ANTXR2: variants seen among roughly 807,000 people sequenced by gnomAD.
ANTXR2 encodes anthrax toxin receptor 2.
ANTXR2 carries 44 observed loss-of-function variants against 73.7 expected under a neutral mutation model. That is an observed-to-expected ratio of 0.60 (90% CI 0.47 to 0.77). The LOEUF is 0.77. ANTXR2 is among the 30% of genes least tolerant of loss of function. The probability of loss-of-function intolerance (pLI) is 0.00; values close to 1 mark genes in which losing one functional copy is unlikely to be tolerated. For missense variants in ANTXR2, 604 were observed against 592.5 expected, an observed-to-expected ratio of 1.02 and a Z score of -0.20; for synonymous variants, 217 against 205.9, an observed-to-expected ratio of 1.05 and a Z score of -0.46.
intron 16 of ANTXR2, among the ~76,000 whole-genome samples, chr4:79,917,955 C>CA (rs1245231199): frequency 6.7e-6 from 1 of 149,484 alleles, no homozygotes; most frequent in African/African-American, 2.5e-5. Flanking sequence ...AAAGATCTGG[C>CA]AAAAAAGGCA....
intron 1 of ANTXR2, among the ~76,000 whole-genome samples, 196 bp downstream of exon 1, chr4:80,072,213 C>G (rs921587971): frequency 6.6e-6 from 1 of 152,138 alleles, no homozygotes; most frequent in Non-Finnish European, 1.5e-5. Flanking sequence ...GGGCTCCAAT[C>G]ACTACCCCCG....
intron 10 of ANTXR2, among the ~76,000 whole-genome samples, chr4:80,030,068 T>C (rs1732615979): frequency 6.6e-6 from 1 of 151,940 alleles, no homozygotes; most frequent in South Asian, 2.1e-4. Flanking sequence ...AAAGACCAGT[T>C]GAGAGACTAA....
chr4:79,972,777 G>A (rs1729464543), intron 16 of ANTXR2, among the ~76,000 whole-genome samples: 1 of 12,676 alleles, frequency 7.9e-5, no homozygotes, highest in African/African-American at 1.6e-4. Flanking sequence ...TGGTGGGGTC[G>A]GGGGAGGGGG....
intron 7 of ANTXR2, among the ~76,000 whole-genome samples, chr4:80,038,775 C>G (rs771725469): frequency 7.0e-4 from 106 of 152,046 alleles, no homozygotes; most frequent in Admixed American, 1.7e-3. Flanking sequence ...CAAGTCATAA[C>G]ATTGGTATCA....
At chr4:79,960,436 A>C (rs1185516502) in intron 16 of ANTXR2, among the ~76,000 whole-genome samples, 1 of 152,150 alleles carries the variant, frequency 6.6e-6, no homozygotes, top group Non-Finnish European at 1.5e-5. Context: ...GAAAGAGATG[A>C]TGTATATCAG....
chr4:80,034,284 C>A (rs1373837684), intron 8 of ANTXR2, among the ~76,000 whole-genome samples: 1 of 152,028 alleles, frequency 6.6e-6, no homozygotes, highest in Non-Finnish European at 1.5e-5. Context: ...TCTTGACAGA[C>A]AATGCATGTT....
chr4:80,024,130 A>G (rs187812108), intron 10 of ANTXR2, among the ~76,000 whole-genome samples: 5 of 152,314 alleles, frequency 3.3e-5, no homozygotes, highest in Admixed American at 1.3e-4. Flanking sequence ...AGTTAGAATA[A>G]AAAGGACATG....
chr4:79,996,314 G>GAC (rs1730721653), intron 12 of ANTXR2, among the ~76,000 whole-genome samples: 1 of 141,360 alleles, frequency 7.1e-6, no homozygotes, highest in Non-Finnish European at 1.6e-5. Context: ...TGGACGGATG[G>GAC]ATATATGGAT....
At chr4:79,920,657 C>G (rs1453481098) in intron 16 of ANTXR2, among the ~76,000 whole-genome samples, 2 of 152,076 alleles carry the variant, frequency 1.3e-5, no homozygotes, top group African/African-American at 4.8e-5. Context: ...GTGGCAGGAA[C>G]ACAGTGAGCA....
At chr4:79,985,244 C>T (rs571271404) in intron 12 of ANTXR2, among the ~76,000 whole-genome samples, 66 of 151,180 alleles carry the variant, frequency 4.4e-4, no homozygotes, top group Middle Eastern at 3.4e-3. Context: ...CAGCTACTTG[C>T]GAGGCTGAGG....
In ANTXR2 at chr4:80,072,867, C is replaced by A. The variant is rs1200865828; in HGVS notation, c.-307G>T. On this transcript the variant is annotated 5_prime_UTR_variant, in exon 1 of 17. Transcript: ENST00000403729. ...AGTTCCTGCAGACAATGCGGGCCCA[C>A]GGCGACAGCTCGCGAAAGGAGTTCC... The A allele has an allele frequency of 4.5e-6, 2 of 441,202 alleles. No individual in the cohort carries two copies. Among genetic ancestry groups the A allele is most frequent in the South Asian group, 9.3e-5 (1 of 10,720 alleles). 27.3% of individuals were successfully genotyped at this position (441,202 alleles called of 1,614,324 possible).
intron 10 of ANTXR2, among the ~76,000 whole-genome samples, chr4:80,023,207 T>C (rs553751739): frequency 1.3e-5 from 2 of 152,336 alleles, no homozygotes; most frequent in East Asian, 3.9e-4. Flanking sequence ...ATGCCTACTA[T>C]ATAATGTCAG....
intron 16 of ANTXR2, among the ~76,000 whole-genome samples, chr4:79,946,022 A>T (rs918004336): frequency 1.3e-5 from 2 of 152,188 alleles, no homozygotes; most frequent in African/African-American, 4.8e-5. Context: ...AAAACTAATA[A>T]TAACAAATAT....
Position 80,060,399 on chromosome 4 carries a change from G to T in ANTXR2, c.297-4386C>A, listed in dbSNP as rs1209763675. 2.0e-5 allele frequency among the ~76,000 whole-genome samples: 3 copies of T among 152,126 alleles called. No individual in the cohort carries two copies. The East Asian group carries it at 5.8e-4, about 29-fold the overall frequency. On this transcript the variant is annotated intron_variant, in intron 3 of 16. Transcript: ENST00000403729. ...TCTAACCTAATTTTAAAACTTTCTTGTGTTATTGGAATGCGTTTTGAATTA... is the reference window on the plus strand; with the variant it reads ...TCTAACCTAATTTTAAAACTTTCTTTTGTTATTGGAATGCGTTTTGAATTA...
chr4:80,062,351 A>G (rs1734302629), intron 3 of ANTXR2, among the ~76,000 whole-genome samples: 1 of 151,984 alleles, frequency 6.6e-6, no homozygotes, highest in South Asian at 2.1e-4. Flanking sequence ...CCATTTTCCC[A>G]CTCACTGCCT....
At chr4:79,985,833 T>A (rs952446308) in intron 12 of ANTXR2, among the ~76,000 whole-genome samples, 2 of 139,894 alleles carry the variant, frequency 1.4e-5, no homozygotes, top group African/African-American at 5.1e-5. Flanking sequence ...CTTTCACAGT[T>A]AATTCTTTTT....
intron 16 of ANTXR2, among the ~76,000 whole-genome samples, chr4:79,975,040 A>G (rs1016189637): frequency 1.3e-5 from 2 of 152,106 alleles, no homozygotes; most frequent in Admixed American, 6.5e-5. Flanking sequence ...AAACTCACAT[A>G]TTTCTTCTTT....
intron 16 of ANTXR2, among the ~76,000 whole-genome samples, chr4:79,937,676 A>G (rs1728326345): frequency 6.6e-6 from 1 of 152,244 alleles, no homozygotes; most frequent in Non-Finnish European, 1.5e-5. Context: ...AGCATCAATT[A>G]TGTACCCAGC....
chr4:80,070,746 C>T (rs769824153), intron 2 of ANTXR2, among the ~76,000 whole-genome samples: 2 of 152,154 alleles, frequency 1.3e-5, no homozygotes, highest in African/African-American at 2.4e-5. Flanking sequence ...ATCATCCAAG[C>T]CTGTTTTACA....
Sources: gnomAD v4.1 joint callset for allele counts (sites outside exome capture counted in the v4.1 genomes callset) on GRCh38, gnomAD v4.1.1 for gene constraint, MANE v1.5 for transcripts, NCBI Gene and HGNC (gene_info 2026-07-23, HGNC 2026-07-21) for gene names.